Variants in B4GALNT2 observed in about 807,000 individuals in gnomAD.
B4GALNT2 encodes the protein beta-1,4-N-acetyl-galactosaminyltransferase 2 (SID blood group), also known as N-acetylneuraminylgalactosylglucosyl-glucoside beta-1,4-N- acetylgalactosaminyltransferase 2.
In B4GALNT2, 42 loss-of-function variants were observed where a neutral mutation model predicts 51.1. That is an observed-to-expected ratio of 0.82 (90% CI 0.64 to 1.06). The LOEUF (loss-of-function observed/expected upper bound fraction) is 1.06, where lower values mean the gene tolerates loss of function less well. B4GALNT2 is among the 50% of genes least tolerant of loss of function. The probability of loss-of-function intolerance (pLI) is 0.00; values close to 1 mark genes in which losing one functional copy is unlikely to be tolerated. For synonymous variants in B4GALNT2, 253 were observed against 251.7 expected, an observed-to-expected ratio of 1.01 and a Z score of -0.05; for missense variants, 602 against 633.6, an observed-to-expected ratio of 0.95 and a Z score of 0.54.
the B4GALNT2 span, among the ~76,000 whole-genome samples, chr17:49,126,040 G>A: frequency 1.3e-5 from 2 of 151,676 alleles, no homozygotes; most frequent in African/African-American, 2.4e-5. Flanking sequence ...TGACAATGGC[G>A]GTTTTGTGGA....
intron 1 of B4GALNT2, among the ~76,000 whole-genome samples, chr17:49,138,931 G>A (rs1287491941): frequency 6.6e-6 from 1 of 152,086 alleles, no homozygotes; most frequent in African/African-American, 2.4e-5. Flanking sequence ...AACTTCTCTT[G>A]TTATGCTGTT....
intron 7 of B4GALNT2, among the ~76,000 whole-genome samples, chr17:49,162,214 T>A (rs1228852346): frequency 6.6e-6 from 1 of 151,936 alleles, no homozygotes; most frequent in Non-Finnish European, 1.5e-5. Context: ...GGGAAAAAAA[T>A]CTTCGATTCA....
At chr17:49,152,395 C>T (rs2042766225) in intron 3 of B4GALNT2, among the ~76,000 whole-genome samples, 3 of 152,110 alleles carry the variant, frequency 2.0e-5, no homozygotes, top group African/African-American at 7.2e-5. Context: ...AAAATGCAGC[C>T]AGGTGCGGTG....
chr17:49,136,013 G>A (rs149745536), intron 1 of B4GALNT2, among the ~76,000 whole-genome samples: 2,067 of 151,678 alleles, frequency 0.014, 29 homozygotes, highest in Middle Eastern at 0.048. Context: ...AACCTGGGAG[G>A]TGGAGCTCGC....
intron 1 of B4GALNT2, among the ~76,000 whole-genome samples, chr17:49,136,673 A>G (rs1422237111): frequency 6.6e-6 from 1 of 151,860 alleles, no homozygotes; most frequent in Non-Finnish European, 1.5e-5. Context: ...CAGCCTTCCA[A>G]GTAGCTGGGA....
intron 1 of B4GALNT2, 65 bp from the exon 2 acceptor site, chr17:49,141,182 C>G: frequency 6.9e-7 from 1 of 1,455,452 alleles, no homozygotes; most frequent in South Asian, 1.1e-5. Flanking sequence ...AATTATCAGT[C>G]TCATATACAT....
chr17:49,162,966 T>C (rs1454553821), intron 7 of B4GALNT2, among the ~76,000 whole-genome samples: 2 of 146,982 alleles, frequency 1.4e-5, no homozygotes. Flanking sequence ...GGGAGGGTTC[T>C]GGAACAACTT....
chr17:49,127,000 G>A, the B4GALNT2 span, among the ~76,000 whole-genome samples: 139 of 152,212 alleles, frequency 9.1e-4, no homozygotes, highest in African/African-American at 3.2e-3. Flanking sequence ...CACTGTGTCC[G>A]GCCTAAATTG....
At chr17:49,151,147 G>T (rs1332194385) in intron 3 of B4GALNT2, among the ~76,000 whole-genome samples, 3 of 82 alleles carry the variant, frequency 0.037, 1 homozygote, top group African/African-American at 0.037. Flanking sequence ...GGCCGAGGCG[G>T]GCGGATCACG....
At chr17:49,153,168 A>G (rs1321170068) in intron 4 of B4GALNT2, among the ~76,000 whole-genome samples, 1 of 152,024 alleles carries the variant, frequency 6.6e-6, no homozygotes, top group Admixed American at 6.6e-5. Context: ...TAATCCCAGC[A>G]CTTTGGGAGG....
intron 1 of B4GALNT2, among the ~76,000 whole-genome samples, chr17:49,139,416 A>T (rs2042619534): frequency 1.3e-5 from 2 of 151,770 alleles, no homozygotes; most frequent in South Asian, 4.2e-4. Flanking sequence ...TTTTTTTTTC[A>T]GTAGAGACAT....
In B4GALNT2 at chr17:49,160,652, T is replaced by C. The variant is rs1423251638; in HGVS notation, c.766+11T>C. ...ACGACCCTGGACCAGGTAAGGCCCT[T>C]GTCCTTGGGGCTCCGTGGTGGCAAC... On this transcript the variant is annotated intron_variant, in intron 7 of 10. Coordinates refer to ENST00000393354, the MANE Select transcript of B4GALNT2 (RefSeq NM_001159387.2). 6.2e-7 allele frequency: 1 copy of C among 1,610,950 alleles called. No individual in the cohort carries two copies. The highest frequency in any genetic ancestry group is 1.7e-5 in the Admixed American group (1 of 60,020).
Position 49,168,803 on chromosome 17 carries a change from C to T in B4GALNT2, c.1218C>T (p.Cys406=), listed in dbSNP as rs776214189. Residue 406 remains cysteine (C), a synonymous_variant, in exon 10 of 11, where the codon TGC becomes TGT. Transcript: ENST00000393354. ...FFQPLDGFPS[C]VVTSGVVNFF... ...AACCCCTGGATGGCTTCCCCAGCTG[C>T]GTGGTGACCAGTGGCGTGGTCAACT... 5.6e-6 allele frequency: 9 copies of T among 1,614,000 alleles called. No homozygotes were observed. Among genetic ancestry groups the T allele is most frequent in the East Asian group, 4.5e-5 (2 of 44,888 alleles).
At chr17:49,133,781 C>T (rs1022884611) in intron 1 of B4GALNT2, among the ~76,000 whole-genome samples, 2 of 152,066 alleles carry the variant, frequency 1.3e-5, no homozygotes, top group African/African-American at 2.4e-5. Flanking sequence ...GGTGTGGTGG[C>T]AAGTGCCTGT....
the B4GALNT2 span, among the ~76,000 whole-genome samples, chr17:49,126,032 A>C: frequency 2.7e-5 from 1 of 37,306 alleles, no homozygotes; most frequent in South Asian, 7.2e-4. Flanking sequence ...GGCCATGATG[A>C]CAATGGCGGT....
chr17:49,153,956 A>G lies in B4GALNT2; in HGVS notation c.460+1050A>G, dbSNP rs141228876. Among the ~76,000 whole-genome samples, 105 of 151,974 alleles carry G rather than the reference A, an allele frequency of 6.9e-4. 1 individual carries two copies. The highest frequency in any genetic ancestry group is 2.1e-3 in the African/African-American group (87 of 41,462). On this transcript the variant is annotated intron_variant, in intron 4 of 10. Transcript: ENST00000393354. ...ATCTTAGGACATAATTGGCTTTTCA[A>G]TGTCCTCCATCATCATGGGAACAGG...
intron 1 of B4GALNT2, among the ~76,000 whole-genome samples, chr17:49,135,336 A>G (rs979884979): frequency 6.6e-6 from 1 of 151,110 alleles, no homozygotes; most frequent in African/African-American, 2.4e-5. Flanking sequence ...GTAGTAATAT[A>G]GCTATCCTTC....
rs2042984626 is a variant in B4GALNT2 at position 49,175,934 on chromosome 17, G to A, written c.*6206G>A. The stretch of plus-strand genomic sequence containing the variant: ...TTCCTCATTTGCCGCTTTAGCTTCA[G>A]CCAGCAAACAAACCTGCTGTGTCAT... On this transcript the variant is annotated 3_prime_UTR_variant, in exon 11 of 11. Transcript: ENST00000393354. 1 of 152,182 alleles carries A rather than the reference G, an allele frequency of 6.6e-6. No homozygotes were observed. The highest frequency in any genetic ancestry group is 6.5e-5 in the Admixed American group (1 of 15,282). 9.4% of individuals were successfully genotyped at this position (152,182 alleles called of 1,614,324 possible). A position where few individuals can be genotyped will look rare whatever the true frequency, so the allele number is the denominator to read the frequency against.
upstream of B4GALNT2, chr17:49,132,506 G>A: frequency 2.6e-6 from 1 of 377,856 alleles, no homozygotes; most frequent in Non-Finnish European, 4.7e-6. Context: ...AGCGAGGAAG[G>A]AACGGTAGGG....
Sources: allele counts gnomAD v4.1 joint callset (sites outside exome capture counted in the v4.1 genomes callset), GRCh38; gene constraint gnomAD v4.1.1; transcripts MANE v1.5; gene names NCBI Gene and HGNC (gene_info 2026-07-23, HGNC 2026-07-21).